The following TCF12 variants were observed in gnomAD, a reference collection of about 807,000 sequenced individuals.
TCF12 encodes the protein DNA-binding protein HTF4.
Under a neutral mutation model 86.0 loss-of-function variants are expected in TCF12, and 45 were observed. The ratio of observed to expected loss-of-function variants is 0.52; its 90% CI spans 0.41 to 0.67. The LOEUF (loss-of-function observed/expected upper bound fraction) is 0.67, where lower values mean the gene tolerates loss of function less well. TCF12 is among the 30% of genes least tolerant of loss of function. The probability of loss-of-function intolerance (pLI) is 0.00; values close to 1 mark genes in which losing one functional copy is unlikely to be tolerated. For synonymous variants in TCF12, 330 were observed against 299.6 expected, an observed-to-expected ratio of 1.10 and a Z score of -1.05; for missense variants, 881 against 859.9, an observed-to-expected ratio of 1.02 and a Z score of -0.31.
chr15:57,055,411 A>G (rs1161803941), intron 3 of TCF12, among the ~76,000 whole-genome samples: 1 of 152,058 alleles, frequency 6.6e-6, no homozygotes, highest in African/African-American at 2.4e-5. Flanking sequence ...AAAAAATAAT[A>G]ATAATAATGA....
chr15:57,060,120 A>G (rs1161473808), intron 3 of TCF12, among the ~76,000 whole-genome samples: 2 of 152,178 alleles, frequency 1.3e-5, no homozygotes, highest in African/African-American at 2.4e-5. Context: ...TTACCTTTCT[A>G]TTCCTTCTTT....
chr15:57,162,279 AGAGATTTTT>A (rs2054559536), intron 5 of TCF12, among the ~76,000 whole-genome samples: 1 of 152,132 alleles, frequency 6.6e-6, no homozygotes, highest in Non-Finnish European at 1.5e-5. Flanking sequence ...TACAGTAGCC[AGAGATTTTT>A]GTTGTCAGAT....
intron 3 of TCF12, among the ~76,000 whole-genome samples, chr15:56,980,911 T>G (rs2140879409): frequency 6.6e-6 from 1 of 152,336 alleles, no homozygotes; most frequent in East Asian, 1.9e-4. Context: ...TTGGATAAAT[T>G]ATTGAATCAC....
intron 6 of TCF12, among the ~76,000 whole-genome samples, chr15:57,190,041 G>C (rs755341258): frequency 4.6e-5 from 7 of 152,190 alleles, no homozygotes; most frequent in Non-Finnish European, 7.4e-5. Context: ...AATCCAGAGA[G>C]ACAGAAATGG....
At position 57,273,266 on chromosome 15, in the gene TCF12, A is replaced by G. The variant is rs774274078; in HGVS notation, c.1978+4A>G. Reference sequence around the variant, plus strand: ...AGTCTAGAACAGCAAGTCAGAGGTAAGTAGGTTCAGCCGAGATGTATAACT... The same window carrying G: ...AGTCTAGAACAGCAAGTCAGAGGTAGGTAGGTTCAGCCGAGATGTATAACT... On this transcript the variant is annotated splice_donor_region_variant and intron_variant, in intron 19 of 20. Coordinates refer to ENST00000333725, the MANE Select transcript of TCF12 (RefSeq NM_207037.2). 3 of 1,613,774 alleles carry G rather than the reference A, an allele frequency of 1.9e-6. No homozygotes were observed. The highest frequency in any genetic ancestry group is 1.7e-5 in the Admixed American group (1 of 60,000).
At chr15:57,218,153 T>C (rs1191783143) in intron 8 of TCF12, among the ~76,000 whole-genome samples, 1 of 152,194 alleles carries the variant, frequency 6.6e-6, no homozygotes, top group Non-Finnish European at 1.5e-5. Context: ...CCTTATAGTA[T>C]ATTCCTAGAA....
chr15:57,159,418 G>C (rs1488665062), intron 5 of TCF12, among the ~76,000 whole-genome samples: 1 of 152,166 alleles, frequency 6.6e-6, no homozygotes, highest in Admixed American at 6.5e-5. Flanking sequence ...AAGAGGAGCA[G>C]GTTCTCCACG....
At chr15:57,204,334 TCAC>T (rs2057706632) in intron 8 of TCF12, among the ~76,000 whole-genome samples, 1 of 151,970 alleles carries the variant, frequency 6.6e-6, no homozygotes, top group Non-Finnish European at 1.5e-5. Flanking sequence ...GCCTGTGGTC[TCAC>T]CTACTTGAGA....
chr15:57,161,154 C>G (rs1285672572), intron 5 of TCF12, among the ~76,000 whole-genome samples: 2 of 152,184 alleles, frequency 1.3e-5, no homozygotes, highest in Non-Finnish European at 2.9e-5. Context: ...CCTGTCCACT[C>G]CCACCTTCAC....
chr15:57,046,054 C>G (rs1166659589), intron 3 of TCF12, among the ~76,000 whole-genome samples: 1 of 152,168 alleles, frequency 6.6e-6, no homozygotes, highest in African/African-American at 2.4e-5. Flanking sequence ...AATGAAAAAC[C>G]TTTCCTTACA....
At chr15:56,978,578 C>T (rs890577830) in intron 3 of TCF12, among the ~76,000 whole-genome samples, 1 of 152,178 alleles carries the variant, frequency 6.6e-6, no homozygotes, top group Admixed American at 6.5e-5. Context: ...GTGGTTACTC[C>T]TCCAGGAGAG....
chr15:56,956,447 C>T (rs928547731), intron 3 of TCF12, among the ~76,000 whole-genome samples: 1 of 151,988 alleles, frequency 6.6e-6, no homozygotes, highest in Non-Finnish European at 1.5e-5. Flanking sequence ...GATATTATGT[C>T]ATTTCCATAT....
intron 3 of TCF12, among the ~76,000 whole-genome samples, chr15:56,941,279 T>A (rs188030264): frequency 1.3e-5 from 2 of 152,008 alleles, no homozygotes; most frequent in Non-Finnish European, 2.9e-5. Context: ...GGTGGGAGGA[T>A]CACCTGAGGC....
chr15:57,080,441 G>C (rs16977235), intron 4 of TCF12, among the ~76,000 whole-genome samples: 3 of 152,260 alleles, frequency 2.0e-5, no homozygotes, highest in African/African-American at 4.8e-5. Context: ...CCTTTAGCCA[G>C]ATAATCACTG....
At chr15:57,017,369 G>A (rs1237722527) in intron 3 of TCF12, among the ~76,000 whole-genome samples, 31 of 152,304 alleles carry the variant, frequency 2.0e-4, no homozygotes, top group Admixed American at 2.0e-3. Context: ...CTGGCTCACT[G>A]CTTATTTCTT....
chr15:57,135,232 A>G (rs922687244), intron 5 of TCF12, among the ~76,000 whole-genome samples: 3 of 152,328 alleles, frequency 2.0e-5, no homozygotes. Context: ...GATTTACTTT[A>G]CATAAAAGAG....
At chr15:57,206,727 G>C (rs921916443) in intron 8 of TCF12, among the ~76,000 whole-genome samples, 1 of 151,442 alleles carries the variant, frequency 6.6e-6, no homozygotes, top group Non-Finnish European at 1.5e-5. Flanking sequence ...CCAGGAGGTG[G>C]AGAGTTTATT....
At chr15:57,271,882 A>C (rs1474756436) in intron 18 of TCF12, among the ~76,000 whole-genome samples, 1 of 152,196 alleles carries the variant, frequency 6.6e-6, no homozygotes, top group Non-Finnish European at 1.5e-5. Flanking sequence ...CATTTTGACA[A>C]GTGTAAAAGT....
intron 6 of TCF12, among the ~76,000 whole-genome samples, chr15:57,169,368 C>T (rs771252245): frequency 1.3e-5 from 2 of 152,074 alleles, no homozygotes; most frequent in South Asian, 2.1e-4. Context: ...CCTAATCATA[C>T]AGTAGAAGGT....
Sources: allele counts gnomAD v4.1 joint callset (sites outside exome capture counted in the v4.1 genomes callset), GRCh38; gene constraint gnomAD v4.1.1; transcripts MANE v1.5; gene names NCBI Gene and HGNC (gene_info 2026-07-23, HGNC 2026-07-21).